RAB38: variants seen among roughly 807,000 people sequenced by gnomAD.
RAB38 encodes ras-related protein Rab-38.
In RAB38, 15 loss-of-function variants were observed where a neutral mutation model predicts 18.4. The ratio of observed to expected loss-of-function variants is 0.82; its 90% CI spans 0.55 to 1.26. The LOEUF (loss-of-function observed/expected upper bound fraction) is 1.26, where lower values mean the gene tolerates loss of function less well. Among genes scored for constraint, RAB38 ranks in the 50% most tolerant of loss-of-function variants. The pLI is 0.00. For synonymous variants in RAB38, 101 were observed against 104.4 expected (o/e 0.97, Z 0.20); for missense variants, 294 against 267.4 (o/e 1.10, Z -0.69).
chr11:87,850,889 T>C, the RAB38 span, among the ~76,000 whole-genome samples: 4 of 152,188 alleles, frequency 2.6e-5, no homozygotes, highest in Non-Finnish European at 4.4e-5. Flanking sequence ...TCCCATTGAA[T>C]GGAAAATCAA....
chr11:88,013,464 A>C, the RAB38 span, among the ~76,000 whole-genome samples: 6 of 152,230 alleles, frequency 3.9e-5, no homozygotes, highest in Non-Finnish European at 7.4e-5. Flanking sequence ...GCCATTTAGA[A>C]TGACTGGAAC....
the RAB38 span, among the ~76,000 whole-genome samples, chr11:87,811,909 ATAG>A: frequency 6.6e-6 from 1 of 152,214 alleles, no homozygotes; most frequent in Non-Finnish European, 1.5e-5. Flanking sequence ...ACAATTTCAA[ATAG>A]TAGCTTTTTC....
chr11:87,946,971 C>G, the RAB38 span, among the ~76,000 whole-genome samples: 1 of 151,832 alleles, frequency 6.6e-6, no homozygotes, highest in Admixed American at 6.6e-5. Context: ...GCCACACTGA[C>G]TTCCACAATG....
the RAB38 span, among the ~76,000 whole-genome samples, chr11:87,963,619 A>C: frequency 1.3e-5 from 2 of 151,830 alleles, no homozygotes; most frequent in Non-Finnish European, 2.9e-5. Context: ...ATACGTAGAG[A>C]TAGCTAAATA....
At chr11:88,116,323 A>G (rs1942552643) in intron 2 of RAB38, among the ~76,000 whole-genome samples, 1 of 152,208 alleles carries the variant, frequency 6.6e-6, no homozygotes, top group Non-Finnish European at 1.5e-5. Flanking sequence ...ACATCTCATT[A>G]AAGAAGCCCT....
chr11:87,929,970 G>A, the RAB38 span, among the ~76,000 whole-genome samples: 2 of 152,088 alleles, frequency 1.3e-5, no homozygotes, highest in South Asian at 2.1e-4. Context: ...ATCATTGTTG[G>A]ACATTTGGCT....
At chr11:88,112,706 G>A (rs529072943), downstream of RAB38, among the ~76,000 whole-genome samples, 8 of 152,102 alleles carry the variant, frequency 5.3e-5, no homozygotes, top group Middle Eastern at 3.4e-3. Flanking sequence ...CCCAGGAGGT[G>A]GAAGTTGCAG....
At chr11:87,837,718 G>A in the RAB38 span, among the ~76,000 whole-genome samples, 2 of 152,266 alleles carry the variant, frequency 1.3e-5, no homozygotes, top group Admixed American at 1.3e-4. Flanking sequence ...TAAGGATCAA[G>A]CAAACTAAGG....
chr11:88,060,384 C>T, the RAB38 span: 1 of 152,110 alleles, frequency 6.6e-6, no homozygotes, highest in Non-Finnish European at 1.5e-5. Flanking sequence ...GTTTGAGTAA[C>T]TTCTATGTAT....
the RAB38 span, among the ~76,000 whole-genome samples, chr11:87,908,429 G>T: frequency 6.6e-6 from 1 of 151,720 alleles, no homozygotes; most frequent in Non-Finnish European, 1.5e-5. Flanking sequence ...TGAATAAATT[G>T]GTATCTCTAT....
intron 2 of RAB38, among the ~76,000 whole-genome samples, chr11:88,116,914 G>T (rs1048045336): frequency 2.0e-5 from 3 of 152,124 alleles, no homozygotes; most frequent in Non-Finnish European, 4.4e-5. Flanking sequence ...ATGCGTGTGG[G>T]AAAATCAATG....
chr11:87,894,709 GA>G, the RAB38 span, among the ~76,000 whole-genome samples: 1 of 150,076 alleles, frequency 6.7e-6, no homozygotes, highest in East Asian at 2.0e-4. Context: ...CATTACGTAT[GA>G]AATAATATGT....
At chr11:88,092,457 C>T in the RAB38 span, among the ~76,000 whole-genome samples, 1 of 116,954 alleles carries the variant, frequency 8.6e-6, no homozygotes, top group East Asian at 2.8e-4. Flanking sequence ...GATATAGATG[C>T]CAGGCTCTTT....
chr11:88,128,634 TAAAG>T (rs1942733358), intron 2 of RAB38, among the ~76,000 whole-genome samples: 1 of 152,152 alleles, frequency 6.6e-6, no homozygotes, highest in African/African-American at 2.4e-5. Flanking sequence ...TTTTTGCAAA[TAAAG>T]AAGTTCAGAG....
the RAB38 span, among the ~76,000 whole-genome samples, chr11:87,923,530 G>A: frequency 6.7e-6 from 1 of 149,640 alleles, no homozygotes; most frequent in African/African-American, 2.5e-5. Flanking sequence ...TTGCTCCAAT[G>A]TAAGAGTCAA....
chr11:88,026,561 A>C, the RAB38 span, among the ~76,000 whole-genome samples: 2 of 94,754 alleles, frequency 2.1e-5, no homozygotes, highest in African/African-American at 9.3e-5. Flanking sequence ...AGACTCTGTC[A>C]CAAAAAAAAA....
At chr11:88,019,345 C>T in the RAB38 span, among the ~76,000 whole-genome samples, 2 of 152,056 alleles carry the variant, frequency 1.3e-5, no homozygotes, top group Non-Finnish European at 2.9e-5. Context: ...AATCTGCCAG[C>T]ACATCCTCTC....
the RAB38 span, among the ~76,000 whole-genome samples, chr11:88,030,846 GAA>G: frequency 6.6e-6 from 1 of 151,942 alleles, no homozygotes; most frequent in African/African-American, 2.4e-5. Flanking sequence ...CCAATCAATA[GAA>G]AAAGAGGGAA....
At chr11:88,110,673 C>T (rs971776813), downstream of RAB38, among the ~76,000 whole-genome samples, 5 of 151,524 alleles carry the variant, frequency 3.3e-5, no homozygotes, top group Admixed American at 6.6e-5. Context: ...AAAAATTAGC[C>T]GGGTGTGCTG....
Sources: allele counts gnomAD v4.1 joint callset (sites outside exome capture counted in the v4.1 genomes callset), GRCh38; gene constraint gnomAD v4.1.1; transcripts MANE v1.5; gene names NCBI Gene and HGNC (gene_info 2026-07-23, HGNC 2026-07-21).